The following ANGPT2 variants were observed in gnomAD, a reference collection of about 807,000 sequenced individuals.
The protein encoded by ANGPT2 is angiopoietin 2, also known as angiopoietin-2.
A neutral mutation model predicts 62.9 loss-of-function variants in ANGPT2; 28 were observed. That is an observed-to-expected ratio of 0.44 (90% CI 0.33 to 0.61). The LOEUF is 0.61. ANGPT2 is among the 20% of genes least tolerant of loss of function. The pLI is 0.03. For missense variants in ANGPT2, 727 were observed against 594.9 expected (o/e 1.22, Z -2.31); for synonymous variants, 284 against 207.8 (o/e 1.37, Z -3.15).
chr8:6,534,601 A>T (rs1346053305), intron 1 of ANGPT2, among the ~76,000 whole-genome samples: 1 of 152,360 alleles, frequency 6.6e-6, no homozygotes, highest in South Asian at 2.1e-4. Context: ...ACCAAAACAG[A>T]GTAGACCACT....
chr8:6,504,995 C>T (rs928970697), intron 8 of ANGPT2, among the ~76,000 whole-genome samples: 1 of 151,542 alleles, frequency 6.6e-6, no homozygotes, highest in African/African-American at 2.4e-5. Context: ...CAGTATGATA[C>T]TCCTTATATT....
At chr8:6,548,926 G>T (rs554190231) in intron 1 of ANGPT2, among the ~76,000 whole-genome samples, 1 of 152,216 alleles carries the variant, frequency 6.6e-6, no homozygotes, top group South Asian at 2.1e-4. Flanking sequence ...CTACCTCCTT[G>T]TTAACCTCTG....
chr8:6,515,429 G>C (rs1353925326), intron 5 of ANGPT2, among the ~76,000 whole-genome samples: 1 of 152,160 alleles, frequency 6.6e-6, no homozygotes, highest in Non-Finnish European at 1.5e-5. Flanking sequence ...TTGGCCTCAA[G>C]GGCATGACTT....
intron 1 of ANGPT2, among the ~76,000 whole-genome samples, chr8:6,554,781 A>T (rs371010540): frequency 6.6e-6 from 1 of 152,140 alleles, no homozygotes; most frequent in Non-Finnish European, 1.5e-5. Flanking sequence ...ACAGGTTTCA[A>T]TCAGGTTCTA....
At chr8:6,550,565 G>T (rs565110795) in intron 1 of ANGPT2, among the ~76,000 whole-genome samples, 11 of 152,220 alleles carry the variant, frequency 7.2e-5, no homozygotes, top group Non-Finnish European at 1.5e-4. Context: ...CGGGGTGAGG[G>T]GTGTGCTTCT....
At chr8:6,510,680 G>C (rs962784798) in intron 7 of ANGPT2, among the ~76,000 whole-genome samples, 9 of 152,176 alleles carry the variant, frequency 5.9e-5, no homozygotes, top group African/African-American at 1.7e-4. Context: ...ATTTGCACCA[G>C]ATGCAGCAAA....
chr8:6,534,289 G>A (rs757588350), intron 1 of ANGPT2, among the ~76,000 whole-genome samples: 6 of 152,290 alleles, frequency 3.9e-5, no homozygotes, highest in East Asian at 1.9e-4. Context: ...CATTGACATT[G>A]TGTTAGGTAT....
Position 6,562,925 on chromosome 8 carries a change from T to C in ANGPT2, c.10A>G (p.Ile4Val). 1 of 1,585,108 alleles carries C rather than the reference T, an allele frequency of 6.3e-7. No homozygotes were observed. The highest frequency in any genetic ancestry group is 8.6e-7 in the Non-Finnish European group (1 of 1,157,668). The change falls in exon 1 of 9, where the codon ATT (isoleucine) becomes GTT (valine). Residue 4 changes from isoleucine to valine, a missense_variant. Ile to Val is a conservative substitution (Grantham distance 29). Coordinates refer to ENST00000629816, the MANE Select transcript of ANGPT2 (RefSeq NM_001118887.2). MWQ[I>V]VFFTLSCDLV... The stretch of plus-strand genomic sequence containing the variant: ...TCACAGCTCAGAGTAAAGAAAACAA[T>C]CTGCCACATTCTTTCTTCAGTAATA...
chr8:6,504,557 T>C (rs540531495), intron 8 of ANGPT2, among the ~76,000 whole-genome samples: 2 of 152,218 alleles, frequency 1.3e-5, no homozygotes, highest in Admixed American at 6.5e-5. Flanking sequence ...GACTTAATAA[T>C]GGCCCCAAAA....
At chr8:6,532,194 T>G (rs1269537596) in intron 2 of ANGPT2, 138 bp downstream of exon 2, 2 of 1,033,134 alleles carry the variant, frequency 1.9e-6, no homozygotes, top group Admixed American at 2.5e-5. Context: ...CATCCTTAAT[T>G]TCTTATCAAT....
intron 1 of ANGPT2, among the ~76,000 whole-genome samples, chr8:6,557,045 G>A (rs1824738291): frequency 6.6e-6 from 1 of 152,168 alleles, no homozygotes; most frequent in African/African-American, 2.4e-5. Flanking sequence ...GGTGGGCGGG[G>A]TCATATGGTG....
chr8:6,519,831 C>A, intron 5 of ANGPT2, 33 bp downstream of exon 5: 2 of 1,610,060 alleles, frequency 1.2e-6, no homozygotes, highest in East Asian at 2.2e-5. Context: ...TGCCTAGAGC[C>A]AGGGAGTTAG....
chr8:6,510,459 A>G (rs1055117695), intron 7 of ANGPT2, among the ~76,000 whole-genome samples: 1 of 152,214 alleles, frequency 6.6e-6, no homozygotes, highest in African/African-American at 2.4e-5. Context: ...AATTTCTAAC[A>G]GTTTGTATTG....
chr8:6,540,815 G>C (rs143722172), intron 1 of ANGPT2, among the ~76,000 whole-genome samples: 1 of 152,242 alleles, frequency 6.6e-6, no homozygotes, highest in Non-Finnish European at 1.5e-5. Context: ...GAACAGGCGC[G>C]GGAGGCAGGG....
At chr8:6,543,628 A>G (rs1822005520) in intron 1 of ANGPT2, among the ~76,000 whole-genome samples, 1 of 152,188 alleles carries the variant, frequency 6.6e-6, no homozygotes, top group Non-Finnish European at 1.5e-5. Context: ...GTGTTCATAA[A>G]GCTGTAGGTG....
chr8:6,500,229 A>G lies in ANGPT2; in HGVS notation c.*2872T>C. On this transcript the variant is annotated 3_prime_UTR_variant, in exon 9 of 9. Transcript: ENST00000629816. ...ACTGAATTCTTGGGCAGGTAGTCTT[A>G]TATCTTGCTTAATGTTTTTACTGTT... 2.6e-6 allele frequency: 1 copy of G among 386,402 alleles called. No homozygotes were observed. Among genetic ancestry groups the G allele is most frequent in the Non-Finnish European group, 4.9e-6 (1 of 205,328 alleles). The allele number at this position is 386,402 out of a possible 1,614,324, so 23.9% of individuals were successfully genotyped here.
At chr8:6,520,980 C>T (rs533986389) in intron 4 of ANGPT2, among the ~76,000 whole-genome samples, 198 bp downstream of exon 4, 2 of 152,256 alleles carry the variant, frequency 1.3e-5, no homozygotes, top group East Asian at 1.9e-4. Flanking sequence ...CAAAAGTATG[C>T]TTGGGGTGTT....
chr8:6,560,014 C>T (rs1260779176), intron 1 of ANGPT2, among the ~76,000 whole-genome samples: 1 of 152,182 alleles, frequency 6.6e-6, no homozygotes, highest in Admixed American at 6.5e-5. Context: ...GTGAAACCTG[C>T]TTTCTTAGTC....
At chr8:6,510,658 C>T (rs1814876155) in intron 7 of ANGPT2, among the ~76,000 whole-genome samples, 1 of 152,148 alleles carries the variant, frequency 6.6e-6, no homozygotes. Context: ...ACTCTTAAGT[C>T]ATGGAGGTAG....
Sources: allele counts gnomAD v4.1 joint callset (sites outside exome capture counted in the v4.1 genomes callset), GRCh38; gene constraint gnomAD v4.1.1; transcripts MANE v1.5; gene names NCBI Gene and HGNC (gene_info 2026-07-23, HGNC 2026-07-21).